The following NELL1 variants were observed in gnomAD, a reference collection of about 807,000 sequenced individuals.
NELL1 encodes neural EGFL like 1.
In NELL1, 76 loss-of-function variants were observed where a neutral mutation model predicts 107.4. That is an observed-to-expected ratio of 0.71 (90% CI 0.59 to 0.86). The LOEUF is 0.86. Among genes scored for constraint, NELL1 ranks in the 40% least tolerant of loss-of-function variants. NELL1 has a pLI of 0.00. For synonymous variants in NELL1, 353 were observed against 341.2 expected, an observed-to-expected ratio of 1.03 and a Z score of -0.38; for missense variants, 1,024 against 1,005.5, an observed-to-expected ratio of 1.02 and a Z score of -0.25.
rs148142281 is a variant in NELL1 at position 21,353,358 on chromosome 11, C to T, written c.1550-17495C>T. ...CATCCCAACTTGAAGAAGAGGTATT[C>T]ATTTCACAAGTGAGGAAACTGAGGC... On this transcript the variant is annotated intron_variant, in intron 14 of 19. Coordinates refer to ENST00000357134, the MANE Select transcript of NELL1 (RefSeq NM_006157.5). Among the ~76,000 whole-genome samples, 176 of 152,286 alleles carry T rather than the reference C, an allele frequency of 1.2e-3. 1 individual carries two copies. The highest frequency in any genetic ancestry group is 4.1e-3 in the African/African-American group (170 of 41,556).
chr11:20,731,413 A>G (rs926187588), intron 2 of NELL1, among the ~76,000 whole-genome samples: 55 of 150,450 alleles, frequency 3.7e-4, no homozygotes, highest in African/African-American at 1.2e-3. Context: ...GCTTCTAGCA[A>G]TAAAGAACTG....
intron 6 of NELL1, among the ~76,000 whole-genome samples, chr11:20,918,646 A>C (rs1387984774): frequency 2.6e-5 from 4 of 151,964 alleles, no homozygotes; most frequent in Non-Finnish European, 4.4e-5. Context: ...CCCTTATAAA[A>C]CCATCAGATC....
chr11:21,553,264 A>T (rs564825991), intron 16 of NELL1, among the ~76,000 whole-genome samples: 5 of 151,932 alleles, frequency 3.3e-5, no homozygotes, highest in Non-Finnish European at 7.4e-5. Flanking sequence ...TGTATTTGTC[A>T]CCGAGGATTA....
chr11:21,235,847 A>G (rs1858192539), intron 14 of NELL1, among the ~76,000 whole-genome samples: 1 of 152,196 alleles, frequency 6.6e-6, no homozygotes. Flanking sequence ...GGAGTGGGCT[A>G]CAGAATAATG....
At chr11:20,693,691 C>T (rs574453690) in intron 2 of NELL1, among the ~76,000 whole-genome samples, 6 of 152,032 alleles carry the variant, frequency 3.9e-5, no homozygotes, top group South Asian at 4.2e-4. Flanking sequence ...GAGGGTAACC[C>T]GACCTTTCTC....
chr11:21,173,858 G>A (rs1335115731), intron 13 of NELL1, among the ~76,000 whole-genome samples: 1 of 151,560 alleles, frequency 6.6e-6, no homozygotes, highest in Non-Finnish European at 1.5e-5. Flanking sequence ...TTTGGGTTGA[G>A]GACAGATTTC....
chr11:21,245,596 G>A (rs191425475), intron 14 of NELL1, among the ~76,000 whole-genome samples: 17 of 152,232 alleles, frequency 1.1e-4, no homozygotes, highest in African/African-American at 3.6e-4. Flanking sequence ...TATTCACACT[G>A]CACTGTACTT....
chr11:20,847,174 A>G (rs969159033), intron 3 of NELL1, among the ~76,000 whole-genome samples: 1 of 152,212 alleles, frequency 6.6e-6, no homozygotes, highest in African/African-American at 2.4e-5. Flanking sequence ...CATGACTTCC[A>G]TTTCCCTTTA....
At chr11:21,362,151 G>A (rs967821117) in intron 14 of NELL1, among the ~76,000 whole-genome samples, 5 of 152,118 alleles carry the variant, frequency 3.3e-5, no homozygotes, top group East Asian at 1.9e-4. Context: ...GAAACTCAAG[G>A]CCTGCTGTTC....
At chr11:21,140,156 C>T (rs1392591689) in intron 13 of NELL1, among the ~76,000 whole-genome samples, 4 of 152,112 alleles carry the variant, frequency 2.6e-5, no homozygotes, top group African/African-American at 9.7e-5. Context: ...CATGCTCCAT[C>T]CCAAGAGCCT....
chr11:21,127,510 T>G (rs1516771), intron 13 of NELL1, among the ~76,000 whole-genome samples: 38,494 of 151,786 alleles, frequency 0.25, 5,164 homozygotes, highest in South Asian at 0.34. Flanking sequence ...CAGCTACTCA[T>G]GAAGCTGAGG....
intron 14 of NELL1, among the ~76,000 whole-genome samples, chr11:21,321,597 T>C (rs773380714): frequency 3.3e-5 from 5 of 152,166 alleles, no homozygotes; most frequent in Non-Finnish European, 7.3e-5. Flanking sequence ...GTGCTGAAAA[T>C]TGTACTAAAT....
At chr11:20,725,402 G>A (rs1016904403) in intron 2 of NELL1, among the ~76,000 whole-genome samples, 1 of 152,198 alleles carries the variant, frequency 6.6e-6, no homozygotes, top group Non-Finnish European at 1.5e-5. Context: ...ATCAGAGCAG[G>A]CATGTGAGCA....
intron 12 of NELL1, among the ~76,000 whole-genome samples, chr11:21,072,629 C>T (rs1311907424): frequency 2.0e-5 from 3 of 152,050 alleles, no homozygotes; most frequent in Non-Finnish European, 2.9e-5. Context: ...TGTAACAAAA[C>T]CCAGCATATA....
intron 2 of NELL1, among the ~76,000 whole-genome samples, chr11:20,737,646 G>A (rs918527288): frequency 1.3e-5 from 2 of 151,984 alleles, no homozygotes; most frequent in African/African-American, 4.8e-5. Flanking sequence ...TCATGCTTAA[G>A]TGTCAGCCAT....
chr11:20,829,116 G>T (rs1857948208), intron 3 of NELL1, among the ~76,000 whole-genome samples: 1 of 151,846 alleles, frequency 6.6e-6, no homozygotes. Flanking sequence ...TTGCAAAAAT[G>T]ATACAGCAAG....
chr11:21,353,112 T>C (rs1464352166), intron 14 of NELL1, among the ~76,000 whole-genome samples: 2 of 152,150 alleles, frequency 1.3e-5, no homozygotes, highest in Non-Finnish European at 2.9e-5. Flanking sequence ...AACTTCATTA[T>C]AGCACCCTCA....
intron 14 of NELL1, among the ~76,000 whole-genome samples, chr11:21,307,903 T>C (rs1176871998): frequency 3.9e-5 from 6 of 152,056 alleles, no homozygotes; most frequent in Admixed American, 1.3e-4. Context: ...TTAAAAATTA[T>C]TGAGTAAAGT....
At chr11:21,512,461 C>T (rs1272425352) in intron 15 of NELL1, among the ~76,000 whole-genome samples, 2 of 152,042 alleles carry the variant, frequency 1.3e-5, no homozygotes, top group Non-Finnish European at 2.9e-5. Context: ...TTTATACTTA[C>T]AGTGCTTGAT....
Sources: gnomAD v4.1 joint callset for allele counts (sites outside exome capture counted in the v4.1 genomes callset) on GRCh38, gnomAD v4.1.1 for gene constraint, MANE v1.5 for transcripts, NCBI Gene and HGNC (gene_info 2026-07-23, HGNC 2026-07-21) for gene names.